The following ANKRD31 variants were observed in gnomAD, a reference collection of about 807,000 sequenced individuals.
The protein encoded by ANKRD31 is ankyrin repeat domain-containing protein 31.
In ANKRD31, 147 loss-of-function variants were observed where a neutral mutation model predicts 186.0. That is an observed-to-expected ratio of 0.79 (90% CI 0.69 to 0.91). ANKRD31 has a LOEUF of 0.91. ANKRD31 is among the 40% of genes least tolerant of loss of function. The probability of loss-of-function intolerance (pLI) is 0.00; values close to 1 mark genes in which losing one functional copy is unlikely to be tolerated. For synonymous variants in ANKRD31, 673 were observed against 736.4 expected (o/e 0.91, Z 1.39); for missense variants, 1,986 against 2,148.8 (o/e 0.92, Z 1.50).
Position 75,215,968 on chromosome 5 carries a change from T to C in ANKRD31, c.289-5103A>G, listed in dbSNP as rs954953604. ...AAGCAACATTTATCAATTTAGAAAA[T>C]AGTATTAATTAAAATTTGCTACAGA... On this transcript the variant is annotated intron_variant, in intron 3 of 25. Coordinates refer to ENST00000506364, the MANE Select transcript of ANKRD31 (RefSeq NM_001372053.1). Among the ~76,000 whole-genome samples the C allele has an allele frequency of 9.9e-5, 15 of 152,242 alleles. No homozygotes were observed. The South Asian group carries it at 2.9e-3, about 29-fold the overall frequency.
rs141064318 is a variant in ANKRD31, at chr5:75,103,500, C to A, written c.5331+728G>T. ...TTGCCCCAGCAATCCAATTACTGGGCATATACCCAAAGGAATATAAATTAT... is the reference window on the plus strand; with the variant it reads ...TTGCCCCAGCAATCCAATTACTGGGAATATACCCAAAGGAATATAAATTAT... On this transcript the variant is annotated intron_variant, in intron 22 of 25. Coordinates refer to ENST00000506364, the MANE Select transcript of ANKRD31 (RefSeq NM_001372053.1). Among the ~76,000 whole-genome samples the A allele has an allele frequency of 2.4e-3, 366 of 152,252 alleles. 8 individuals are homozygous for A. In the East Asian group the frequency reaches 0.061, roughly 25 times the overall value.
chr5:75,185,620 T>C (rs1293430288), intron 10 of ANKRD31, among the ~76,000 whole-genome samples: 1 of 152,022 alleles, frequency 6.6e-6, no homozygotes, highest in Non-Finnish European at 1.5e-5. Context: ...GTTGGGTGAC[T>C]AGAGTCAGCA....
intron 23 of ANKRD31, 74 bp from the exon 24 acceptor site, chr5:75,084,448 T>A: frequency 8.7e-7 from 1 of 1,148,858 alleles, no homozygotes; most frequent in African/African-American, 1.5e-5. Flanking sequence ...TCCTGAACAT[T>A]GTAATTTTTA....
chr5:75,145,814 T>C (rs1751392319), intron 14 of ANKRD31, among the ~76,000 whole-genome samples, 173 bp downstream of exon 14: 1 of 152,110 alleles, frequency 6.6e-6, no homozygotes, highest in Non-Finnish European at 1.5e-5. Context: ...GTTTTGACTT[T>C]CGAAGTAATC....
intron 17 of ANKRD31, among the ~76,000 whole-genome samples, chr5:75,127,629 T>C (rs1002430664): frequency 7.2e-5 from 11 of 152,224 alleles, no homozygotes; most frequent in Non-Finnish European, 1.3e-4. Flanking sequence ...TATTTTGAGT[T>C]CCATATCAAT....
chr5:75,113,392 T>G (rs943073719), intron 19 of ANKRD31, among the ~76,000 whole-genome samples: 1 of 152,216 alleles, frequency 6.6e-6, no homozygotes. Context: ...ATTTCCTTTT[T>G]CTCAGAATTA....
chr5:75,159,988 AATG>A (rs1752463135), intron 11 of ANKRD31, among the ~76,000 whole-genome samples: 1 of 152,114 alleles, frequency 6.6e-6, no homozygotes, highest in Non-Finnish European at 1.5e-5. Context: ...GGAGTAAAAC[AATG>A]ATACCAGTTG....
At chr5:75,162,470 G>C (rs1056801555) in intron 11 of ANKRD31, among the ~76,000 whole-genome samples, 5 of 152,168 alleles carry the variant, frequency 3.3e-5, no homozygotes, top group African/African-American at 1.2e-4. Flanking sequence ...CAGGCTTATA[G>C]GTGGAAGGGA....
chr5:75,102,275 C>G lies in ANKRD31; in HGVS notation c.5331+1953G>C, dbSNP rs182190954. On this transcript the variant is annotated intron_variant, in intron 22 of 25. Coordinates refer to ENST00000506364, the MANE Select transcript of ANKRD31 (RefSeq NM_001372053.1). ...TACTGCAGAACAGCAAATGTTCCTG[C>G]CTGATCCTTCCTCTGGAAGCTTCGT... 5.3e-4 allele frequency among the ~76,000 whole-genome samples: 80 copies of G among 152,316 alleles called. 1 individual carries two copies. The highest frequency in any genetic ancestry group is 4.1e-3 in the Admixed American group (62 of 15,304).
chr5:75,147,980 C>T (rs1751594240), intron 13 of ANKRD31, among the ~76,000 whole-genome samples: 1 of 151,722 alleles, frequency 6.6e-6, no homozygotes, highest in Non-Finnish European at 1.5e-5. Context: ...ACTCTATAAA[C>T]TTTACAAGAA....
Position 75,123,664 on chromosome 5 carries a change from C to A in ANKRD31, c.3877-5367G>T, listed in dbSNP as rs576480571. Among the ~76,000 whole-genome samples, 12 of 152,190 alleles carry A rather than the reference C, an allele frequency of 7.9e-5. No individual in the cohort carries two copies. In the East Asian group the frequency reaches 2.1e-3, roughly 27 times the overall value. On this transcript the variant is annotated intron_variant, in intron 17 of 25. Transcript: ENST00000506364. ...AGCCACATATCTATAGCTAACTGAT[C>A]TTTGACAATGCTGACAAGAACATAC... is the stretch of plus-strand genomic sequence containing the variant.
rs1368136553 is a variant in ANKRD31, at chr5:75,193,603, T to C, written c.1018-12A>G. Reference sequence around the variant, plus strand: ...GGGTCTTGCAGAGTCTGCAAATACGTAAATACATCCACAAAAAATTACAAC... The same window carrying C: ...GGGTCTTGCAGAGTCTGCAAATACGCAAATACATCCACAAAAAATTACAAC... On this transcript the variant is annotated splice_polypyrimidine_tract_variant and intron_variant, in intron 7 of 25. Coordinates refer to ENST00000506364, the MANE Select transcript of ANKRD31 (RefSeq NM_001372053.1). 6.6e-7 allele frequency: 1 copy of C among 1,512,028 alleles called. No individual in the cohort carries two copies. Among genetic ancestry groups the C allele is most frequent in the East Asian group, 2.5e-5 (1 of 40,568 alleles). 93.7% of individuals were successfully genotyped at this position (1,512,028 alleles called of 1,614,324 possible).
intron 11 of ANKRD31, among the ~76,000 whole-genome samples, chr5:75,160,985 T>C (rs145308265): frequency 3.8e-3 from 579 of 152,284 alleles, no homozygotes; most frequent in African/African-American, 0.013. Context: ...CTTCTGTAAA[T>C]TGCCCAGTCT....
chr5:75,115,323 A>G (rs1423931459), intron 19 of ANKRD31, among the ~76,000 whole-genome samples: 1 of 152,088 alleles, frequency 6.6e-6, no homozygotes, highest in African/African-American at 2.4e-5. Context: ...AAACCTAGGC[A>G]TTACCATTCA....
intron 5 of ANKRD31, among the ~76,000 whole-genome samples, chr5:75,201,738 C>CA (rs1755836375): frequency 6.6e-6 from 1 of 152,124 alleles, no homozygotes; most frequent in Admixed American, 6.6e-5. Context: ...ACACACGCCT[C>CA]ATTACACCCT....
At chr5:75,081,596 T>C (rs1745081625) in intron 24 of ANKRD31, among the ~76,000 whole-genome samples, 2 of 152,244 alleles carry the variant, frequency 1.3e-5, no homozygotes, top group Middle Eastern at 3.4e-3. Flanking sequence ...ACTGCTCTGC[T>C]TCAACTCTTA....
rs992284091 is a variant in ANKRD31, at chr5:75,222,279, C to T, written c.258G>A (p.Met86Ile). 15 of 1,536,390 alleles carry T rather than the reference C, an allele frequency of 9.8e-6. No individual in the cohort carries two copies. Among genetic ancestry groups the T allele is most frequent in the African/African-American group, 1.4e-5 (1 of 72,984 alleles). The change falls in exon 3 of 26, where the codon ATG becomes ATA. Residue 86 changes from methionine to isoleucine, a missense_variant. Met to Ile is a conservative substitution (Grantham distance 10). Coordinates refer to ENST00000506364, the MANE Select transcript of ANKRD31 (RefSeq NM_001372053.1). ...ATATTGTATCCTCGCTAAGAACAGG[C>T]ATCATCTTATTTTTATTCATTTGCT... ...LQEQMNKNKMMPVLSEDTILQ... is the reference protein window; with the variant it reads ...LQEQMNKNKMIPVLSEDTILQ...
intron 17 of ANKRD31, among the ~76,000 whole-genome samples, chr5:75,134,059 A>T (rs79838281): frequency 2.0e-5 from 3 of 152,216 alleles, no homozygotes; most frequent in Non-Finnish European, 4.4e-5. Flanking sequence ...CACAAGAGAA[A>T]GCTGGAAAGA....
intron 1 of ANKRD31, among the ~76,000 whole-genome samples, chr5:75,233,134 C>T (rs115790582): frequency 0.026 from 3,930 of 151,424 alleles, 155 homozygotes; most frequent in African/African-American, 0.09. Context: ...ATAATCGCAG[C>T]TTACTGCAAC....
Sources: gnomAD v4.1 joint callset for allele counts (sites outside exome capture counted in the v4.1 genomes callset) on GRCh38, gnomAD v4.1.1 for gene constraint, MANE v1.5 for transcripts, NCBI Gene and HGNC (gene_info 2026-07-23, HGNC 2026-07-21) for gene names.